ATP8B4: variants seen among roughly 807,000 people sequenced by gnomAD.
ATP8B4 encodes ATPase phospholipid transporting 8B4 (putative), also known as probable phospholipid-transporting ATPase IM.
A neutral mutation model predicts 145.6 loss-of-function variants in ATP8B4; 133 were observed. That is an observed-to-expected ratio of 0.91 (90% CI 0.79 to 1.05). The LOEUF is 1.05. Ranked by LOEUF, ATP8B4 falls within the 50% of genes least tolerant of loss-of-function variation. The pLI is 0.00. For synonymous variants in ATP8B4, 507 were observed against 492.9 expected (o/e 1.03, Z -0.38); for missense variants, 1,458 against 1,425.2 (o/e 1.02, Z -0.37).
At chr15:50,150,125 G>C (rs551390246) in intron 1 of ATP8B4, among the ~76,000 whole-genome samples, 1 of 152,056 alleles carries the variant, frequency 6.6e-6, no homozygotes, top group Admixed American at 6.6e-5. Context: ...TTTCATAGTG[G>C]TTTTTGAGAT....
intron 5 of ATP8B4, among the ~76,000 whole-genome samples, chr15:50,039,523 A>G (rs2153601039): frequency 6.6e-6 from 1 of 152,298 alleles, no homozygotes; most frequent in South Asian, 2.1e-4. Flanking sequence ...AAGTCTTCCT[A>G]TGTGAAATGT....
chr15:50,029,569 T>G (rs191744037), intron 6 of ATP8B4, among the ~76,000 whole-genome samples: 18 of 152,288 alleles, frequency 1.2e-4, no homozygotes, highest in Non-Finnish European at 2.5e-4. Flanking sequence ...TTAATTTAAT[T>G]ATGTCTGCTA....
At chr15:50,150,279 CAG>C (rs1374285436) in intron 1 of ATP8B4, among the ~76,000 whole-genome samples, 4 of 152,082 alleles carry the variant, frequency 2.6e-5, no homozygotes, top group African/African-American at 7.2e-5. Context: ...GGGAGTTTTG[CAG>C]AGTCTTTTGT....
intron 10 of ATP8B4, among the ~76,000 whole-genome samples, chr15:49,986,794 C>T (rs1327814296): frequency 1.3e-5 from 2 of 152,176 alleles, no homozygotes; most frequent in African/African-American, 4.8e-5. Context: ...AGGGCCACCT[C>T]GGGCCTACAG....
intron 15 of ATP8B4, 48 bp from the exon 16 acceptor site, chr15:49,931,355 T>A: frequency 6.5e-7 from 1 of 1,544,420 alleles, no homozygotes; most frequent in South Asian, 1.2e-5. Context: ...ACAGCTAACA[T>A]TCATAGAGTT....
chr15:50,067,214 T>C (rs1279531857), intron 3 of ATP8B4, among the ~76,000 whole-genome samples: 1 of 152,154 alleles, frequency 6.6e-6, no homozygotes, highest in Non-Finnish European at 1.5e-5. Flanking sequence ...CGTTCTGTGT[T>C]AACCTGGCCA....
chr15:50,046,533 T>C (rs2051735577), intron 4 of ATP8B4, among the ~76,000 whole-genome samples: 1 of 152,252 alleles, frequency 6.6e-6, no homozygotes, highest in African/African-American at 2.4e-5. Flanking sequence ...AATTAAGATT[T>C]CTGTCACTTG....
Position 49,876,815 on chromosome 15 carries a change from CA to C in ATP8B4, c.2782-293del, listed in dbSNP as rs1257172356. The C allele has an allele frequency of 1.8e-5, 9 of 508,596 alleles. No individual in the cohort carries two copies. In the East Asian group the frequency reaches 3.6e-4, roughly 20 times the overall value. 31.5% of individuals were successfully genotyped at this position (508,596 alleles called of 1,614,324 possible). On this transcript the variant is annotated intron_variant, in intron 24 of 27. Transcript: ENST00000284509. ...TGGTTTGAGCCTAGCTATTTGGCTT[CA>C]AATTGAAGTTTCTTTCCTACACTCT...
At chr15:49,920,586 G>T (rs963219728) in intron 17 of ATP8B4, among the ~76,000 whole-genome samples, 176 bp from the exon 18 acceptor site, 3 of 152,206 alleles carry the variant, frequency 2.0e-5, no homozygotes, top group Non-Finnish European at 2.9e-5. Flanking sequence ...GATAATGTGT[G>T]TGTTTTCCGT....
At chr15:50,070,836 G>A (rs993378746) in intron 3 of ATP8B4, among the ~76,000 whole-genome samples, 1 of 152,104 alleles carries the variant, frequency 6.6e-6, no homozygotes, top group Non-Finnish European at 1.5e-5. Flanking sequence ...CGCCTTCCAG[G>A]TTCAAGCAAT....
intron 5 of ATP8B4, among the ~76,000 whole-genome samples, chr15:50,039,122 C>T (rs2051071908): frequency 6.6e-6 from 1 of 152,196 alleles, no homozygotes; most frequent in South Asian, 2.1e-4. Flanking sequence ...TCTACTGTAC[C>T]TTATAGTCTC....
At chr15:49,954,877 G>A (rs1393780234) in intron 14 of ATP8B4, among the ~76,000 whole-genome samples, 1 of 152,160 alleles carries the variant, frequency 6.6e-6, no homozygotes, top group African/African-American at 2.4e-5. Context: ...ACACCCATAT[G>A]CCTATCACAT....
At chr15:49,997,944 A>G (rs1265448007) in intron 8 of ATP8B4, among the ~76,000 whole-genome samples, 1 of 152,156 alleles carries the variant, frequency 6.6e-6, no homozygotes, top group Non-Finnish European at 1.5e-5. Flanking sequence ...TGAAGCAGAA[A>G]TTGAGCTGGG....
At chr15:50,144,045 G>T (rs1403167383) in intron 1 of ATP8B4, among the ~76,000 whole-genome samples, 2 of 152,150 alleles carry the variant, frequency 1.3e-5, no homozygotes, top group Non-Finnish European at 2.9e-5. Context: ...TTTTCATGGT[G>T]CCCTGGAAGC....
chr15:50,158,172 G>A (rs1311052846), intron 1 of ATP8B4, among the ~76,000 whole-genome samples: 4 of 152,282 alleles, frequency 2.6e-5, no homozygotes, highest in South Asian at 2.1e-4. Flanking sequence ...CTGCCCAGCC[G>A]CCACCCCGTC....
Position 49,979,642 on chromosome 15 carries a change from C to T in ATP8B4, c.1009G>A (p.Val337Ile). The T allele has an allele frequency of 1.3e-6, 2 of 1,572,010 alleles. No homozygotes were observed. Among genetic ancestry groups the T allele is most frequent in the Non-Finnish European group, 1.7e-6 (2 of 1,152,674 alleles). ...FWSYIIILNT[V>I]VPISLYVSVE... ...CTCACATATAAGGAAATGGGTACAA[C>T]TGTATTGAGAATAATAATATATGAC... Residue 337 changes from valine to isoleucine, a missense_variant, in exon 12 of 28, where the codon GTT (valine) becomes ATT (isoleucine). Transcript: ENST00000284509.
In ATP8B4 at chr15:49,979,684, C is replaced by T. The variant is rs762729078; in HGVS notation, c.967G>A (p.Gly323Arg). ...ATATATGACCAGAATGTTAAGAATCCGGAGAACACAGAGCTCTTCTCTCCT... is the reference window on the plus strand; with the variant it reads ...ATATATGACCAGAATGTTAAGAATCTGGAGAACACAGAGCTCTTCTCTCCT... ...NEGEKSSVFS[G>R]FLTFWSYIII... Residue 323 changes from glycine (G) to arginine (R), a missense_variant, in exon 12 of 28, where the codon GGA becomes AGA. Transcript: ENST00000284509. 30 of 1,605,848 alleles carry T rather than the reference C, an allele frequency of 1.9e-5. No homozygotes were observed. Among genetic ancestry groups the T allele is most frequent in the East Asian group, 4.5e-5 (2 of 44,780 alleles).
chr15:49,913,580 G>A (rs1046334551), intron 20 of ATP8B4, among the ~76,000 whole-genome samples: 3 of 152,114 alleles, frequency 2.0e-5, no homozygotes, highest in African/African-American at 7.2e-5. Context: ...AAGTCAAATT[G>A]TTCCTGTTTG....
At chr15:50,104,151 C>A (rs1600404309) in intron 2 of ATP8B4, among the ~76,000 whole-genome samples, 2 of 152,080 alleles carry the variant, frequency 1.3e-5, no homozygotes, top group Admixed American at 1.3e-4. Flanking sequence ...ATGAGAAAAA[C>A]CCTTCTAGAC....
Sources: allele counts gnomAD v4.1 joint callset (sites outside exome capture counted in the v4.1 genomes callset), GRCh38; gene constraint gnomAD v4.1.1; transcripts MANE v1.5; gene names NCBI Gene and HGNC (gene_info 2026-07-23, HGNC 2026-07-21).